Variants in TMEM44 observed in about 807,000 individuals in gnomAD.
TMEM44 encodes the protein transmembrane protein 44.
Under a neutral mutation model 47.8 loss-of-function variants are expected in TMEM44, and 43 were observed. The observed-to-expected ratio is 0.90, with a 90% confidence interval of 0.70 to 1.16. The LOEUF is 1.16. Ranked by LOEUF, TMEM44 falls within the 50% of genes most tolerant of loss-of-function variation. TMEM44 has a pLI of 0.00. For missense variants in TMEM44, 568 were observed against 555.2 expected, an observed-to-expected ratio of 1.02 and a Z score of -0.23; for synonymous variants, 277 against 238.8, an observed-to-expected ratio of 1.16 and a Z score of -1.48.
At chr3:194,616,447 GGTCCCTATAAGAAAAGGA>G in intron 6 of TMEM44, 1 of 397,220 alleles carries the variant, frequency 2.5e-6, no homozygotes, top group South Asian at 1.8e-5. Context: ...CAACAGCTGG[GGTCCCTATAAGAAAAGGA>G]GACACACGAA....
intron 9 of TMEM44, among the ~76,000 whole-genome samples, chr3:194,599,963 T>C (rs1322423400): frequency 2.0e-5 from 3 of 152,172 alleles, no homozygotes; most frequent in Non-Finnish European, 4.4e-5. Context: ...TTTGACCATG[T>C]TGTTCAGGCT....
intron 5 of TMEM44, among the ~76,000 whole-genome samples, chr3:194,620,062 G>A (rs965846066): frequency 6.6e-6 from 1 of 152,040 alleles, no homozygotes; most frequent in South Asian, 2.1e-4. Context: ...AGGCCGAGGC[G>A]GGTGGATCAC....
Position 194,628,415 on chromosome 3 carries a change from C to T in TMEM44, c.232G>A (p.Gly78Arg), listed in dbSNP as rs200991668. The T allele has an allele frequency of 1.5e-5, 24 of 1,612,370 alleles. No individual in the cohort carries two copies. The Admixed American group carries it at 2.0e-4, about 13-fold the overall frequency. The change falls in exon 2 of 10, where the codon GGG (glycine) becomes AGG (arginine). Residue 78 changes from glycine to arginine, a missense_variant. By Grantham distance (125) the Gly-to-Arg change is moderately radical (BLOSUM62 -2). Transcript: ENST00000347147. Reference protein sequence around the residue: ...CLLTSLCDTVGALLARQLTIQ... With the variant: ...CLLTSLCDTVRALLARQLTIQ... ...GTGAGCTGTCTGGCCAGAAGAGCCC[C>T]GACGGTGTCACACAGACTGGTCAGG...
At chr3:194,605,250 A>G (rs1714652764) in intron 8 of TMEM44, among the ~76,000 whole-genome samples, 1 of 152,180 alleles carries the variant, frequency 6.6e-6, no homozygotes, top group East Asian at 1.9e-4. Context: ...CTCCTCAGAG[A>G]TCTACAAAGC....
At chr3:194,612,572 A>C (rs1408746205) in intron 7 of TMEM44, among the ~76,000 whole-genome samples, 1 of 151,178 alleles carries the variant, frequency 6.6e-6, no homozygotes, top group Non-Finnish European at 1.5e-5. Flanking sequence ...CTGTGAGAGG[A>C]GTCTAAGGTA....
intron 9 of TMEM44, chr3:194,589,555 C>G (rs150467578): frequency 7.0e-6 from 1 of 142,992 alleles, no homozygotes; most frequent in African/African-American, 2.6e-5. Context: ...GAGGCTCAGC[C>G]GACTTGTCAT....
At chr3:194,610,787 C>A in intron 8 of TMEM44, 129 bp downstream of exon 8, 1 of 804,336 alleles carries the variant, frequency 1.2e-6, no homozygotes, top group Non-Finnish European at 2.0e-6. Context: ...TGGACAGCTC[C>A]TTCTTTTTTA....
chr3:194,621,802 C>T (rs1716569761), intron 5 of TMEM44, among the ~76,000 whole-genome samples: 1 of 152,060 alleles, frequency 6.6e-6, no homozygotes, highest in Admixed American at 6.5e-5. Context: ...CTGCAACCCC[C>T]ACCTCCTGGA....
chr3:194,616,082 C>T (rs753736769), intron 6 of TMEM44, among the ~76,000 whole-genome samples: 48 of 151,764 alleles, frequency 3.2e-4, no homozygotes, highest in African/African-American at 9.7e-4. Context: ...GACAGAGTCT[C>T]GCTCTGTCAC....
intron 9 of TMEM44, 37 bp from the exon 10 acceptor site, chr3:194,588,676 C>T (rs773528520): frequency 1.5e-5 from 23 of 1,575,136 alleles, no homozygotes; most frequent in Admixed American, 8.3e-5. Flanking sequence ...CTGGGTGGAA[C>T]GGATAGATGC....
At chr3:194,593,104 G>T in intron 9 of TMEM44, 1 of 1,611,618 alleles carries the variant, frequency 6.2e-7, no homozygotes, top group Non-Finnish European at 8.5e-7. Context: ...CAGAAAAAGT[G>T]TTGGACAGAT....
chr3:194,606,783 TAC>T (rs1714816167), intron 8 of TMEM44, among the ~76,000 whole-genome samples: 1 of 151,626 alleles, frequency 6.6e-6, no homozygotes, highest in Non-Finnish European at 1.5e-5. Context: ...CTACTAAAAA[TAC>T]ACACACACAA....
At chr3:194,604,148 CT>C in intron 9 of TMEM44, 138 bp downstream of exon 9, 1 of 1,134,062 alleles carries the variant, frequency 8.8e-7, no homozygotes, top group Non-Finnish European at 1.2e-6. Context: ...GCCACCGCGC[CT>C]GGCCTCATTC....
intron 2 of TMEM44, 23 bp from the exon 3 acceptor site, chr3:194,626,013 T>C: frequency 5.9e-6 from 9 of 1,533,650 alleles, no homozygotes; most frequent in Non-Finnish European, 7.2e-6. Flanking sequence ...GGGAAGAGAG[T>C]CTTGGCATTC....
rs1718015266 is a variant in TMEM44 at position 194,633,169 on chromosome 3, T to TAGTCCC, written c.41_46dup (p.Trp14_Asp15dup). On this transcript the variant is annotated inframe_insertion, in exon 1 of 10. Coordinates refer to ENST00000347147, the MANE Select transcript of TMEM44 (RefSeq NM_001011655.3). ...GTGGCGGGCGAAGCAGCGGTCCAGG[T>TAGTCCC]AGTCCCAGTCCCAGAGCGCGGGCGC... is the stretch of plus-strand genomic sequence containing the variant. 7 of 1,546,120 alleles carry TAGTCCC rather than the reference T, an allele frequency of 4.5e-6. No individual in the cohort carries two copies. The highest frequency in any genetic ancestry group is 1.4e-5 in the African/African-American group (1 of 72,568).
chr3:194,628,721 C>T (rs374933265), intron 1 of TMEM44, among the ~76,000 whole-genome samples: 5 of 152,196 alleles, frequency 3.3e-5, no homozygotes, highest in African/African-American at 1.2e-4. Context: ...AGCTAGACCT[C>T]GTGAGATGTG....
In TMEM44 at chr3:194,633,217, G is replaced by A; in HGVS notation, c.-2C>T. On this transcript the variant is annotated 5_prime_UTR_variant, in exon 1 of 10. Transcript: ENST00000347147. ...CGCGGGGCTGGGCGCCTCCCCCATG[G>A]CGCGGCTGGGCGCGCGGCGCGGGGC... 1 of 1,394,468 alleles carries A rather than the reference G, an allele frequency of 7.2e-7. No homozygotes were observed. The highest frequency in any genetic ancestry group is 9.3e-7 in the Non-Finnish European group (1 of 1,073,444). 86.4% of individuals were successfully genotyped at this position (1,394,468 alleles called of 1,614,324 possible). A position where few individuals can be genotyped will look rare whatever the true frequency, so the allele number is the denominator to read the frequency against.
intron 2 of TMEM44, 86 bp downstream of exon 2, chr3:194,628,297 A>G (rs1717385581): frequency 6.6e-7 from 1 of 1,505,600 alleles, no homozygotes; most frequent in African/African-American, 1.4e-5. Context: ...GCAACAAGAC[A>G]AAAGCCACCA....
At chr3:194,619,769 G>C (rs1294723016) in intron 5 of TMEM44, among the ~76,000 whole-genome samples, 3 of 152,166 alleles carry the variant, frequency 2.0e-5, no homozygotes, top group African/African-American at 7.2e-5. Context: ...CTTCCTCCTG[G>C]AACCAGAGTC....
Sources: allele counts gnomAD v4.1 joint callset (sites outside exome capture counted in the v4.1 genomes callset), GRCh38; gene constraint gnomAD v4.1.1; transcripts MANE v1.5; gene names NCBI Gene and HGNC (gene_info 2026-07-23, HGNC 2026-07-21).